Variants in HECTD4 observed in about 807,000 individuals in gnomAD.
The protein encoded by HECTD4 is probable E3 ubiquitin-protein ligase HECTD4.
In HECTD4, 114 loss-of-function variants were observed where a neutral mutation model predicts 471.5. That is an observed-to-expected ratio of 0.24 (90% CI 0.21 to 0.28). The LOEUF is 0.28. Among genes scored for constraint, HECTD4 ranks in the 10% least tolerant of loss-of-function variants. HECTD4 has a pLI of 1.00. For missense variants in HECTD4, 3,866 were observed against 5,651.5 expected, an observed-to-expected ratio of 0.68 and a Z score of 10.13; for synonymous variants, 2,012 against 2,256.0, an observed-to-expected ratio of 0.89 and a Z score of 3.07.
chr12:112,359,065 A>G (rs1050421707), intron 1 of HECTD4, among the ~76,000 whole-genome samples: 4 of 152,036 alleles, frequency 2.6e-5, no homozygotes, highest in Non-Finnish European at 5.9e-5. Flanking sequence ...AGTCCCAGCT[A>G]CTAGGGAGGC....
intron 7 of HECTD4, among the ~76,000 whole-genome samples, chr12:112,293,978 C>T (rs1166871457): frequency 6.6e-6 from 1 of 152,192 alleles, no homozygotes; most frequent in Non-Finnish European, 1.5e-5. Context: ...TAGCTCACTA[C>T]AGCCTTGACC....
rs186034359 is a variant in HECTD4, at chr12:112,231,237, G to A, written c.6200+276C>T. 34 of 499,864 alleles carry A rather than the reference G, an allele frequency of 6.8e-5. No homozygotes were observed. The East Asian group carries it at 1.0e-3, about 15-fold the overall frequency. 31.0% of individuals were successfully genotyped at this position (499,864 alleles called of 1,614,324 possible). The stretch of plus-strand genomic sequence containing the variant: ...GCAAGAAATAAAGGTAGCAAGACCA[G>A]AGTTTATTAATACTACTCAAAAGAA... On this transcript the variant is annotated intron_variant, in intron 39 of 75. Transcript: ENST00000682272.
chr12:112,348,829 T>TAA (rs1206444841), intron 1 of HECTD4, among the ~76,000 whole-genome samples: 1 of 152,180 alleles, frequency 6.6e-6, no homozygotes, highest in Non-Finnish European at 1.5e-5. Flanking sequence ...GTTTTATATA[T>TAA]AAACCTATGT....
chr12:112,228,364 A>C lies in HECTD4; in HGVS notation c.6685-106T>G. 8.1e-7 allele frequency: 1 copy of C among 1,230,138 alleles called. No homozygotes were observed. The highest frequency in any genetic ancestry group is 1.1e-6 in the Non-Finnish European group (1 of 930,684). The allele number at this position is 1,230,138 out of a possible 1,614,324, so 76.2% of individuals were successfully genotyped here. ...GAGTTAATTCTTAAATTTTCAGTTAAAAAAATAAAATCACCATACAGAAAA... is the reference window on the plus strand; with the variant it reads ...GAGTTAATTCTTAAATTTTCAGTTACAAAAATAAAATCACCATACAGAAAA... On this transcript the variant is annotated intron_variant, in intron 42 of 75. Transcript: ENST00000682272. The surrounding 1 kb of genome is among the most constrained non-coding windows in gnomAD (Gnocchi z 4.9).
chr12:112,274,112 AC>A (rs2034477394), intron 10 of HECTD4, among the ~76,000 whole-genome samples: 1 of 152,258 alleles, frequency 6.6e-6, no homozygotes, highest in Non-Finnish European at 1.5e-5. Context: ...GTATAATAGG[AC>A]CAATTAACAT....
chr12:112,180,300 C>A (rs1197467066), intron 62 of HECTD4, among the ~76,000 whole-genome samples: 3 of 152,178 alleles, frequency 2.0e-5, no homozygotes, highest in African/African-American at 7.2e-5. Flanking sequence ...GTAATCCCAG[C>A]ACTTTGGAAG....
intron 23 of HECTD4, among the ~76,000 whole-genome samples, chr12:112,251,795 C>T (rs144187945): frequency 3.0e-4 from 46 of 152,296 alleles, no homozygotes; most frequent in African/African-American, 9.9e-4. Flanking sequence ...ATTTTTGAGA[C>T]GGAGTCTCAC....
chr12:112,381,051 T>A lies in HECTD4; in HGVS notation c.177+901A>T, dbSNP rs1192494378. Among the ~76,000 whole-genome samples the A allele has an allele frequency of 3.9e-5, 6 of 151,966 alleles. No homozygotes were observed. Among genetic ancestry groups the A allele is most frequent in the Admixed American group, 2.6e-4 (4 of 15,256 alleles). ...CACATCAAAATGTCATCCCACAAAG[T>A]GGAAGGGGAGCAGTGTCAGCATCCG... On this transcript the variant is annotated intron_variant, in intron 1 of 75. Transcript: ENST00000682272. This position sits in a 1 kb window ranked among gnomAD's most constrained non-coding sequence, Gnocchi z 4.1.
In HECTD4 at chr12:112,262,515, C is replaced by CAAAAAAAAAA. The variant is rs758273849; in HGVS notation, c.2749-1096_2749-1087dup. 3.9e-3 allele frequency among the ~76,000 whole-genome samples: 77 copies of CAAAAAAAAAA among 19,760 alleles called. 10 individuals carry two copies. The highest frequency in any genetic ancestry group is 5.3e-3 in the Admixed American group (6 of 1,136). 13.0% of individuals were successfully genotyped at this position (19,760 alleles called of 152,430 possible). A position where few individuals can be genotyped will look rare whatever the true frequency, so the allele number is the denominator to read the frequency against. On this transcript the variant is annotated intron_variant, in intron 17 of 75. Transcript: ENST00000682272. ...TGGGCGACAAAGAGAGACTCCATCT[C>CAAAAAAAAAA]AAAAAAAAAAAAAAAAAAAAAAAAA...
intron 1 of HECTD4, among the ~76,000 whole-genome samples, chr12:112,356,830 T>C (rs1250800142): frequency 3.3e-5 from 5 of 152,224 alleles, no homozygotes; most frequent in African/African-American, 4.8e-5. Flanking sequence ...TTTAAGGTTC[T>C]TCTGAACTTT....
intron 72 of HECTD4, among the ~76,000 whole-genome samples, 196 bp from the exon 73 acceptor site, chr12:112,164,471 A>G (rs993072005): frequency 6.6e-6 from 1 of 152,170 alleles, no homozygotes; most frequent in Non-Finnish European, 1.5e-5. Flanking sequence ...GCCAGGCTAA[A>G]GAGACCCACA....
In HECTD4 at chr12:112,194,922, T is replaced by C. The variant is rs1185034711; in HGVS notation, c.8712A>G (p.Gln2904=). 11 of 1,609,212 alleles carry C rather than the reference T, an allele frequency of 6.8e-6. No individual in the cohort carries two copies. The highest frequency in any genetic ancestry group is 2.2e-5 in the South Asian group (2 of 89,804). Reference sequence around the variant, plus strand: ...GTGCGAGGAGCTGATTGGACAGCAGTTGCAGGTGCTCCAGGGTAATGTCCC... The same window carrying C: ...GTGCGAGGAGCTGATTGGACAGCAGCTGCAGGTGCTCCAGGGTAATGTCCC... ...AIRDITLEHL[Q]LLSNQLLAPP... The change falls in exon 56 of 76, where the codon CAA becomes CAG. Residue 2904 remains glutamine, a synonymous_variant. Transcript: ENST00000682272. The surrounding 1 kb of genome is among the most constrained non-coding windows in gnomAD (Gnocchi z 4.6).
Position 112,163,751 on chromosome 12 carries a change from G to A in HECTD4, c.12702-14C>T, listed in dbSNP as rs1197348945. On this transcript the variant is annotated splice_polypyrimidine_tract_variant and intron_variant, in intron 73 of 75. Transcript: ENST00000682272. The surrounding 1 kb of genome is among the most constrained non-coding windows in gnomAD (Gnocchi z 8.2). ...TTGTTCTCCCACCTGCCCGGGTGAG[G>A]AGCACAGGTGAGGGAGAACACCGCC... is the stretch of plus-strand genomic sequence containing the variant. The A allele has an allele frequency of 9.0e-6, 13 of 1,448,008 alleles. No individual in the cohort carries two copies. Among genetic ancestry groups the A allele is most frequent in the East Asian group, 2.6e-5 (1 of 38,052 alleles). The allele number at this position is 1,448,008 out of a possible 1,614,324, so 89.7% of individuals were successfully genotyped here.
intron 70 of HECTD4, among the ~76,000 whole-genome samples, chr12:112,168,802 C>T (rs775220183): frequency 1.3e-5 from 2 of 152,178 alleles, no homozygotes; most frequent in African/African-American, 2.4e-5. Context: ...TGGGCAGGTT[C>T]GCTGCTGTGG....
Position 112,203,754 on chromosome 12 carries a change from C to T in HECTD4, c.8288G>A (p.Arg2763His), listed in dbSNP as rs181371876. 199 of 1,610,030 alleles carry T rather than the reference C, an allele frequency of 1.2e-4. 1 individual carries two copies. In the African/African-American group the frequency reaches 2.3e-3, roughly 19 times the overall value. The change falls in exon 54 of 76, where the codon CGC becomes CAC. Residue 2763 changes from arginine to histidine, a missense_variant. By Grantham distance (29) the Arg-to-His change is conservative. Coordinates refer to ENST00000682272, the MANE Select transcript of HECTD4 (RefSeq NM_001388303.1). Reference sequence around the variant, plus strand: ...GGCTACATTATTGCTGTCTGGAGAGCGGGTTACTACTGTGAGACCTGAGGA... The same window carrying T: ...GGCTACATTATTGCTGTCTGGAGAGTGGGTTACTACTGTGAGACCTGAGGA... ...KVRKGLTVVT[R>H]SPDSNNVASS...
Position 112,210,172 on chromosome 12 carries a change from C to T in HECTD4, c.7710G>A (p.Leu2570=), listed in dbSNP as rs937375818. ...EGQAHRNAAD[L]CTDLAEEISA... ...TGATCTCTTCTGCTAGGTCAGTGCA[C>T]AGGTCAGCAGCATTGCGGTGGGCCT... The change falls in exon 50 of 76, where the codon CTG becomes CTA. Residue 2570 remains leucine (L), a synonymous_variant. Transcript: ENST00000682272. 5 of 1,614,058 alleles carry T rather than the reference C, an allele frequency of 3.1e-6. No individual in the cohort carries two copies. The highest frequency in any genetic ancestry group is 1.7e-5 in the Admixed American group (1 of 60,028).
chr12:112,217,124 A>C lies in HECTD4; in HGVS notation c.7146T>G (p.Leu2382=), dbSNP rs371478292. The C allele has an allele frequency of 1.9e-6, 3 of 1,593,114 alleles. No individual in the cohort carries two copies. The highest frequency in any genetic ancestry group is 1.1e-5 in the South Asian group (1 of 87,914). The part of the protein sequence containing the change: ...PVRACMFSSH[L]TSVTFLADPS... ...GGTCAGCCAGGAAGGTGACTGAGGT[A>C]AGGTGAGATGAGAACATGCAGGCTC... is the stretch of plus-strand genomic sequence containing the variant. Residue 2382 remains leucine, a synonymous_variant, in exon 46 of 76, where the codon CTT becomes CTG. Transcript: ENST00000682272.
rs1055944686 is a variant in HECTD4 at position 112,272,130 on chromosome 12, C to T, written c.1942+1525G>A. Among the ~76,000 whole-genome samples, 4 of 152,248 alleles carry T rather than the reference C, an allele frequency of 2.6e-5. No individual in the cohort carries two copies. The East Asian group carries it at 7.7e-4, about 29-fold the overall frequency. ...ATGGCATGATCTCAGCTCACTGCAACCTCAGCCTCCCAGTTCAAGTGATTC... is the reference window on the plus strand; with the variant it reads ...ATGGCATGATCTCAGCTCACTGCAATCTCAGCCTCCCAGTTCAAGTGATTC... On this transcript the variant is annotated intron_variant, in intron 11 of 75. Coordinates refer to ENST00000682272, the MANE Select transcript of HECTD4 (RefSeq NM_001388303.1).
intron 67 of HECTD4, 144 bp from the exon 68 acceptor site, chr12:112,171,407 G>A: frequency 7.4e-7 from 1 of 1,351,246 alleles, no homozygotes. Flanking sequence ...CAGTGAGTGA[G>A]CGGCCCCCAA....
Sources: gnomAD v4.1 joint callset for allele counts (sites outside exome capture counted in the v4.1 genomes callset) on GRCh38, gnomAD v4.1.1 for gene constraint, Gnocchi (gnomAD v3.1) non-coding constraint, MANE v1.5 for transcripts, NCBI Gene and HGNC (gene_info 2026-07-23, HGNC 2026-07-21) for gene names.